ASB15: variants seen among roughly 807,000 people sequenced by gnomAD.
The protein encoded by ASB15 is ankyrin repeat and SOCS box protein 15.
In ASB15, 54 loss-of-function variants were observed where a neutral mutation model predicts 58.0. The observed-to-expected ratio is 0.93, with a 90% CI of 0.75 to 1.17. The LOEUF (loss-of-function observed/expected upper bound fraction) is 1.17, where lower values mean the gene tolerates loss of function less well. ASB15 is among the 50% of genes most tolerant of loss of function. ASB15 has a pLI of 0.00. For synonymous variants in ASB15, 249 were observed against 262.4 expected (o/e 0.95, Z 0.50); for missense variants, 680 against 707.4 (o/e 0.96, Z 0.44).
In ASB15 at chr7:123,637,014, G is replaced by C; in HGVS notation, c.*33G>C. The C allele has an allele frequency of 7.2e-7, 1 of 1,390,512 alleles. No homozygotes were observed. Among genetic ancestry groups the C allele is most frequent in the South Asian group, 1.3e-5 (1 of 77,222 alleles). The allele number at this position is 1,390,512 out of a possible 1,614,324, so 86.1% of individuals were successfully genotyped here. Reference sequence around the variant, plus strand: ...TTTTAAAATGTGATTTAAAAAAAATGTTGAAATGTGATTCCCTCAGATAAT... The same window carrying C: ...TTTTAAAATGTGATTTAAAAAAAATCTTGAAATGTGATTCCCTCAGATAAT... On this transcript the variant is annotated 3_prime_UTR_variant, in exon 12 of 12. Coordinates refer to ENST00000451215, the MANE Select transcript of ASB15 (RefSeq NM_001290258.2).
chr7:123,597,786 G>A (rs1035084889), upstream of ASB15, among the ~76,000 whole-genome samples: 2 of 152,066 alleles, frequency 1.3e-5, no homozygotes, highest in Non-Finnish European at 2.9e-5. Flanking sequence ...AGCTGAGATC[G>A]CACCACTGCA....
At chr7:123,626,063 T>G (rs540156852) in intron 8 of ASB15, among the ~76,000 whole-genome samples, 1 of 152,314 alleles carries the variant, frequency 6.6e-6, no homozygotes, top group South Asian at 2.1e-4. Flanking sequence ...ATCATACAGT[T>G]TGTGCTGTCT....
intron 1 of ASB15, among the ~76,000 whole-genome samples, chr7:123,591,576 G>A (rs1487999883): frequency 6.6e-6 from 1 of 152,056 alleles, no homozygotes; most frequent in Non-Finnish European, 1.5e-5. Context: ...TTTGTTGTTG[G>A]TTCTGTTTAT....
chr7:123,587,569 T>G (rs1190996649), intron 1 of ASB15, among the ~76,000 whole-genome samples: 1 of 151,652 alleles, frequency 6.6e-6, no homozygotes, highest in South Asian at 2.1e-4. Context: ...GGTGAGAACC[T>G]CCAGTACTAT....
At chr7:123,609,473 A>C (rs1584767935) in intron 3 of ASB15, among the ~76,000 whole-genome samples, 1 of 152,282 alleles carries the variant, frequency 6.6e-6, no homozygotes, top group East Asian at 1.9e-4. Context: ...TGCTGGGGGC[A>C]GTGTGTTATT....
intron 9 of ASB15, among the ~76,000 whole-genome samples, chr7:123,628,369 C>A (rs1801928863): frequency 1.3e-5 from 2 of 152,174 alleles, no homozygotes; most frequent in Admixed American, 1.3e-4. Context: ...CTTGGACAAT[C>A]TTTTTGCCTC....
chr7:123,607,300 T>A (rs1381473379), intron 2 of ASB15, among the ~76,000 whole-genome samples: 1 of 152,206 alleles, frequency 6.6e-6, no homozygotes, highest in Non-Finnish European at 1.5e-5. Context: ...TGTTAAATAT[T>A]CTTCAAGTAT....
chr7:123,616,217 A>G lies in ASB15; in HGVS notation c.108-4A>G, dbSNP rs1562929512. On this transcript the variant is annotated splice_polypyrimidine_tract_variant and splice_region_variant and intron_variant, in intron 4 of 11. Transcript: ENST00000451215. ...TATAAATATTATTTTTCTTTATCTC[A>G]TAGATTTGTACCCCTAAGTGCTCAA... The G allele has an allele frequency of 1.7e-5, 27 of 1,583,988 alleles. No individual in the cohort carries two copies. Among genetic ancestry groups the G allele is most frequent in the Non-Finnish European group, 1.7e-5 (20 of 1,153,264 alleles).
rs765854444 is a variant in ASB15 at position 123,630,110 on chromosome 7, C to G, written c.1585C>G (p.Gln529Glu). ...EVQREWPEIR[Q>E]ILENPCSLKH... is the part of the protein sequence containing the mutation. ...ACAGAGAGAATGGCCAGAAATCCGC[C>G]AAATACTAGGTAAAAACCAAAAGTT... The change falls in exon 11 of 12, where the codon CAA becomes GAA. Residue 529 changes from glutamine (Q) to glutamate (E), a missense_variant. Coordinates refer to ENST00000451215, the MANE Select transcript of ASB15 (RefSeq NM_001290258.2). 1.3e-6 allele frequency: 2 copies of G among 1,584,836 alleles called. No individual in the cohort carries two copies. Among genetic ancestry groups the G allele is most frequent in the South Asian group, 2.3e-5 (2 of 85,214 alleles).
chr7:123,578,479 T>G (rs1278083739), intron 1 of ASB15, among the ~76,000 whole-genome samples: 2 of 152,042 alleles, frequency 1.3e-5, no homozygotes, highest in Non-Finnish European at 2.9e-5. Context: ...CTTTGTTTCC[T>G]CTATACTTTT....
rs1034301157 is a variant in ASB15 at position 123,637,218 on chromosome 7, C to G, written c.*237C>G. 3.6e-6 allele frequency: 1 copy of G among 281,018 alleles called. No individual in the cohort carries two copies. The highest frequency in any genetic ancestry group is 6.6e-6 in the Non-Finnish European group (1 of 150,552). The allele number at this position is 281,018 out of a possible 1,614,324, so 17.4% of individuals were successfully genotyped here. A position where few individuals can be genotyped will look rare whatever the true frequency, so the allele number is the denominator to read the frequency against. On this transcript the variant is annotated 3_prime_UTR_variant, in exon 12 of 12. Transcript: ENST00000451215. Reference sequence around the variant, plus strand: ...TCTTTGTTTGCTACAAGTCATCAAACTCTCCCTATCAAGTGGCTCCTACAA... The same window carrying G: ...TCTTTGTTTGCTACAAGTCATCAAAGTCTCCCTATCAAGTGGCTCCTACAA...
chr7:123,635,426 G>T lies in ASB15; in HGVS notation c.1595-1383G>T, dbSNP rs181603637. ...TTGCAAGACAGAGAAAAATGGTGAG[G>T]CTTAGATAAGTTAATTTCTCATAGT... is the stretch of plus-strand genomic sequence containing the variant. On this transcript the variant is annotated intron_variant, in intron 11 of 11. Transcript: ENST00000451215. Among the ~76,000 whole-genome samples, 596 of 152,112 alleles carry T rather than the reference G, an allele frequency of 3.9e-3. 2 individuals carry two copies. The highest frequency in any genetic ancestry group is 5.2e-3 in the Non-Finnish European group (351 of 67,990).
chr7:123,628,170 G>T (rs1801913740), intron 9 of ASB15, among the ~76,000 whole-genome samples: 1 of 149,392 alleles, frequency 6.7e-6, no homozygotes, highest in South Asian at 2.1e-4. Context: ...TTGGACTGAT[G>T]CAAGGTTGAT....
intron 3 of ASB15, among the ~76,000 whole-genome samples, chr7:123,611,054 A>G (rs7792902): frequency 0.31 from 44,157 of 142,518 alleles, 7,147 homozygotes; most frequent in East Asian, 0.4. Flanking sequence ...TTTCACTCCA[A>G]CCTGGGCAAA....
chr7:123,590,257 C>T (rs1411107358), intron 1 of ASB15, among the ~76,000 whole-genome samples: 1 of 151,858 alleles, frequency 6.6e-6, no homozygotes, highest in African/African-American at 2.4e-5. Flanking sequence ...AAAATTTTAT[C>T]CCATTCTGTA....
Position 123,629,156 on chromosome 7 carries a change from G to T in ASB15, c.1162G>T (p.Val388Leu), listed in dbSNP as rs1179594890. The change falls in exon 10 of 12, where the codon GTG becomes TTG. Residue 388 changes from valine (V) to leucine (L), a missense_variant. Coordinates refer to ENST00000451215, the MANE Select transcript of ASB15 (RefSeq NM_001290258.2). ...TCCCCTCAACTGTCTACTTGTTGCAGTGAGGGCCAATAATTATGAAATTGT... is the reference window on the plus strand; with the variant it reads ...TCCCCTCAACTGTCTACTTGTTGCATTGAGGGCCAATAATTATGAAATTGT... ...LDPLNCLLVA[V>L]RANNYEIVRL... is the part of the protein sequence containing the mutation. 2 of 1,613,990 alleles carry T rather than the reference G, an allele frequency of 1.2e-6. No homozygotes were observed. The highest frequency in any genetic ancestry group is 1.7e-6 in the Non-Finnish European group (2 of 1,179,990).
rs1337907427 is a variant in ASB15, at chr7:123,637,547, C to T, written c.*566C>T. Reference sequence around the variant, plus strand: ...AAATGATATCTCTTTCCTTGTTTCTCGCAAAACCTGTTCTCTTGGGTGTCC... The same window carrying T: ...AAATGATATCTCTTTCCTTGTTTCTTGCAAAACCTGTTCTCTTGGGTGTCC... On this transcript the variant is annotated 3_prime_UTR_variant, in exon 12 of 12. Transcript: ENST00000451215. 1 of 152,404 alleles carries T rather than the reference C, an allele frequency of 6.6e-6. No individual in the cohort carries two copies. Among genetic ancestry groups the T allele is most frequent in the Non-Finnish European group, 1.5e-5 (1 of 68,302 alleles). 9.4% of individuals were successfully genotyped at this position (152,404 alleles called of 1,614,324 possible).
intron 1 of ASB15, among the ~76,000 whole-genome samples, chr7:123,570,545 A>T (rs1798882206): frequency 6.6e-6 from 1 of 152,138 alleles, no homozygotes; most frequent in Non-Finnish European, 1.5e-5. Context: ...CAAACACACT[A>T]AGAAACTGGC....
intron 1 of ASB15, among the ~76,000 whole-genome samples, chr7:123,569,918 T>C (rs760218011): frequency 6.6e-6 from 1 of 152,116 alleles, no homozygotes; most frequent in South Asian, 2.1e-4. Context: ...AATTAGAAGT[T>C]AGAAGCAAAT....
Sources: allele counts gnomAD v4.1 joint callset (sites outside exome capture counted in the v4.1 genomes callset), GRCh38; gene constraint gnomAD v4.1.1; transcripts MANE v1.5; gene names NCBI Gene and HGNC (gene_info 2026-07-23, HGNC 2026-07-21).